PTPRD: variants seen among roughly 807,000 people sequenced by gnomAD.
PTPRD encodes protein tyrosine phosphatase receptor type D.
Under a neutral mutation model 214.5 loss-of-function variants are expected in PTPRD, and 34 were observed. That is an observed-to-expected ratio of 0.16 (90% CI 0.12 to 0.21). PTPRD has a LOEUF of 0.21. Among genes scored for constraint, PTPRD ranks in the 10% least tolerant of loss-of-function variants. The pLI is 1.00. For missense variants in PTPRD, 2,545 were observed against 2,398.7 expected, an observed-to-expected ratio of 1.06 and a Z score of -1.27; for synonymous variants, 1,128 against 845.7, an observed-to-expected ratio of 1.33 and a Z score of -5.79.
chr9:9,203,575 T>C (rs1043208257), intron 9 of PTPRD, among the ~76,000 whole-genome samples: 7 of 152,146 alleles, frequency 4.6e-5, no homozygotes, highest in African/African-American at 1.7e-4. Context: ...CAGTTCGGGT[T>C]CTTATTGCAT....
chr9:9,317,177 G>C (rs557779729), intron 9 of PTPRD, among the ~76,000 whole-genome samples: 1 of 152,122 alleles, frequency 6.6e-6, no homozygotes, highest in African/African-American at 2.4e-5. Flanking sequence ...TTAAAAATTG[G>C]TTATGTTTCA....
intron 3 of PTPRD, among the ~76,000 whole-genome samples, chr9:10,038,077 G>T (rs2097220884): frequency 6.6e-6 from 1 of 151,974 alleles, no homozygotes; most frequent in African/African-American, 2.4e-5. Context: ...TATTTTATCT[G>T]TCACATCTCA....
At chr9:8,405,788 G>C (rs2092917216) in intron 35 of PTPRD, among the ~76,000 whole-genome samples, 1 of 152,034 alleles carries the variant, frequency 6.6e-6, no homozygotes, top group Non-Finnish European at 1.5e-5. Flanking sequence ...ATTTTTAGCA[G>C]TTATTTTTGA....
At chr9:9,330,528 AAT>A (rs1290947183) in intron 9 of PTPRD, among the ~76,000 whole-genome samples, 2 of 152,152 alleles carry the variant, frequency 1.3e-5, no homozygotes, top group African/African-American at 2.4e-5. Flanking sequence ...TGTGAAAACT[AAT>A]AGTCATATAG....
rs554585673 is a variant in PTPRD, at chr9:10,078,306, T to G, written c.-544-44516A>C. 1.5e-3 allele frequency among the ~76,000 whole-genome samples: 218 copies of G among 148,648 alleles called. 2 individuals carry two copies. Among genetic ancestry groups the G allele is most frequent in the Middle Eastern group, 3.5e-3 (1 of 284 alleles). On this transcript the variant is annotated intron_variant, in intron 3 of 45. Transcript: ENST00000381196. ...GGTGGGCAGATTGCGAGGTCAGAAG[T>G]TCGAGACCAGCCTAACCAACATGGT...
intron 5 of PTPRD, chr9:9,800,804 C>G (rs1037766973): frequency 2.0e-5 from 3 of 152,152 alleles, no homozygotes; most frequent in Admixed American, 1.3e-4. Flanking sequence ...TCATCCACAT[C>G]TCTAGCTGAT....
chr9:9,434,961 C>G (rs948078678), intron 8 of PTPRD, among the ~76,000 whole-genome samples: 1 of 150,766 alleles, frequency 6.6e-6, no homozygotes, highest in Non-Finnish European at 1.5e-5. Context: ...TAATACCTGT[C>G]TCTTCATAGA....
At chr9:10,491,615 T>C (rs1319432648) in intron 2 of PTPRD, among the ~76,000 whole-genome samples, 1 of 151,182 alleles carries the variant, frequency 6.6e-6, no homozygotes, top group South Asian at 2.1e-4. Flanking sequence ...TACAACTAGA[T>C]AAAAAAAAAT....
chr9:10,502,682 A>C (rs2133292461), intron 2 of PTPRD, among the ~76,000 whole-genome samples: 1 of 152,238 alleles, frequency 6.6e-6, no homozygotes, highest in East Asian at 1.9e-4. Flanking sequence ...ACATACACAG[A>C]TACAAAAACT....
In PTPRD at chr9:9,401,288, G is replaced by A. The variant is rs140192582; in HGVS notation, c.-236-3806C>T. On this transcript the variant is annotated intron_variant, in intron 8 of 45. Coordinates refer to ENST00000381196, the MANE Select transcript of PTPRD (RefSeq NM_002839.4). ...CTCTATTACACACACATACACATAC[G>A]CACACATATATACAGATATATATAC... is the stretch of plus-strand genomic sequence containing the variant. Among the ~76,000 whole-genome samples, 24 of 151,850 alleles carry A rather than the reference G, an allele frequency of 1.6e-4. No individual in the cohort carries two copies. The East Asian group carries it at 3.5e-3, about 22-fold the overall frequency.
intron 2 of PTPRD, among the ~76,000 whole-genome samples, chr9:10,484,772 C>A (rs1048064476): frequency 1.3e-5 from 2 of 151,934 alleles, no homozygotes; most frequent in African/African-American, 4.8e-5. Flanking sequence ...TCATTACTCC[C>A]TTGTAAGATG....
At chr9:8,951,908 G>A (rs1032974964) in intron 11 of PTPRD, among the ~76,000 whole-genome samples, 7 of 151,968 alleles carry the variant, frequency 4.6e-5, no homozygotes, top group Non-Finnish European at 1.0e-4. Flanking sequence ...CACTTGAAAT[G>A]AATTCCAAAG....
At chr9:9,626,337 G>C (rs1371440050) in intron 7 of PTPRD, among the ~76,000 whole-genome samples, 1 of 152,158 alleles carries the variant, frequency 6.6e-6, no homozygotes, top group Non-Finnish European at 1.5e-5. Flanking sequence ...CTAAGGCTCT[G>C]TCTGATTTTA....
chr9:10,295,713 A>G (rs62537828), intron 3 of PTPRD, among the ~76,000 whole-genome samples: 9,532 of 152,190 alleles, frequency 0.063, 389 homozygotes, highest in Non-Finnish European at 0.096. Flanking sequence ...AGATGTAATT[A>G]AAGTATGAAC....
At chr9:8,961,270 A>C (rs138667693) in intron 11 of PTPRD, among the ~76,000 whole-genome samples, 2 of 152,138 alleles carry the variant, frequency 1.3e-5, no homozygotes, top group Admixed American at 6.6e-5. Flanking sequence ...GCAGATGTAC[A>C]TAAAACACAA....
chr9:8,381,423 G>A (rs10977019), intron 37 of PTPRD, among the ~76,000 whole-genome samples: 42,968 of 152,002 alleles, frequency 0.28, 7,266 homozygotes, highest in East Asian at 0.55. Flanking sequence ...CCACGATAAG[G>A]ACAGAGAGCA....
At chr9:9,234,191 A>C (rs1321059984) in intron 9 of PTPRD, among the ~76,000 whole-genome samples, 1 of 152,148 alleles carries the variant, frequency 6.6e-6, no homozygotes, top group East Asian at 1.9e-4. Context: ...ACTTCTGTGC[A>C]CCTGCAGGCC....
At chr9:8,449,652 A>G (rs2095860435) in intron 34 of PTPRD, 73 bp downstream of exon 34, 1 of 1,341,556 alleles carries the variant, frequency 7.5e-7, no homozygotes, top group Non-Finnish European at 1.0e-6. Context: ...GATACCTTCA[A>G]CTCTTAATAT....
At chr9:9,597,762 T>C (rs1056248687) in intron 7 of PTPRD, among the ~76,000 whole-genome samples, 4 of 151,854 alleles carry the variant, frequency 2.6e-5, no homozygotes, top group Non-Finnish European at 5.9e-5. Flanking sequence ...GAACAAGAAA[T>C]AAAGGTAACA....
Sources: allele counts gnomAD v4.1 joint callset (sites outside exome capture counted in the v4.1 genomes callset), GRCh38; gene constraint gnomAD v4.1.1; transcripts MANE v1.5; gene names NCBI Gene and HGNC (gene_info 2026-07-23, HGNC 2026-07-21).